ACAD11: variants seen among roughly 807,000 people sequenced by gnomAD.
ACAD11 encodes acyl-Coenzyme A dehydrogenase family, member 11.
ACAD11 carries 83 observed loss-of-function variants against 102.2 expected under a neutral mutation model. The ratio of observed to expected loss-of-function variants is 0.81; its 90% CI spans 0.68 to 0.97. The LOEUF (loss-of-function observed/expected upper bound fraction) is 0.97, where lower values mean the gene tolerates loss of function less well. Among genes scored for constraint, ACAD11 ranks in the 50% least tolerant of loss-of-function variants. ACAD11 has a pLI of 0.00. For synonymous variants in ACAD11, 324 were observed against 319.8 expected, an observed-to-expected ratio of 1.01 and a Z score of -0.14; for missense variants, 901 against 951.7, an observed-to-expected ratio of 0.95 and a Z score of 0.70.
At chr3:132,627,725 C>G (rs549302209) in intron 8 of ACAD11, among the ~76,000 whole-genome samples, 112 of 152,294 alleles carry the variant, frequency 7.4e-4, no homozygotes, top group African/African-American at 2.6e-3. Flanking sequence ...ACAACAGAAT[C>G]AATTGTTATG....
chr3:132,616,351 T>C, intron 11 of ACAD11, among the ~76,000 whole-genome samples: 1 of 152,166 alleles, frequency 6.6e-6, no homozygotes, highest in East Asian at 1.9e-4. Context: ...AATGATAAAA[T>C]AGTGGCAGAG....
intron 13 of ACAD11, among the ~76,000 whole-genome samples, chr3:132,585,758 T>C (rs932374884): frequency 1.4e-4 from 21 of 152,176 alleles, no homozygotes; most frequent in Non-Finnish European, 2.2e-4. Flanking sequence ...CATCACTGGC[T>C]ATCAGAGAAA....
chr3:132,626,833 A>G lies in ACAD11; in HGVS notation c.1071-16T>C. On this transcript the variant is annotated splice_polypyrimidine_tract_variant and intron_variant, in intron 8 of 19. Transcript: ENST00000264990. ...ACTGAAAGTTCTTTGCCAAAAGAAA[A>G]AAGGAAAAAAAGGTTACAAAGATGT... is the stretch of plus-strand genomic sequence containing the variant. The G allele has an allele frequency of 6.3e-7, 1 of 1,596,528 alleles. No individual in the cohort carries two copies. Among genetic ancestry groups the G allele is most frequent in the Non-Finnish European group, 8.5e-7 (1 of 1,175,050 alleles).
intron 13 of ACAD11, among the ~76,000 whole-genome samples, chr3:132,591,572 C>T (rs1019483981): frequency 2.0e-5 from 3 of 152,018 alleles, no homozygotes; most frequent in Non-Finnish European, 2.9e-5. Context: ...CCCAATATTA[C>T]TTCTTACCTC....
chr3:132,656,298 G>T (rs1937797004), intron 1 of ACAD11, among the ~76,000 whole-genome samples: 1 of 152,042 alleles, frequency 6.6e-6, no homozygotes, highest in Non-Finnish European at 1.5e-5. Context: ...TTTGTAGATT[G>T]TCCCCTTATA....
chr3:132,644,079 A>T (rs559517390), intron 2 of ACAD11, among the ~76,000 whole-genome samples: 2 of 152,334 alleles, frequency 1.3e-5, no homozygotes, highest in South Asian at 4.1e-4. Context: ...GGACCAAGAA[A>T]GTCCCATAGA....
chr3:132,622,354 C>T (rs1183042774), intron 9 of ACAD11, among the ~76,000 whole-genome samples: 1 of 152,228 alleles, frequency 6.6e-6, no homozygotes, highest in East Asian at 1.9e-4. Context: ...TCAGGAAGTC[C>T]GTTAAATTGG....
chr3:132,631,614 A>G (rs1477940133), intron 5 of ACAD11, 135 bp from the exon 6 acceptor site: 3 of 632,158 alleles, frequency 4.7e-6, no homozygotes, highest in East Asian at 3.5e-5. Context: ...CCACAGTGGC[A>G]TATCTCATTT....
intron 1 of ACAD11, among the ~76,000 whole-genome samples, chr3:132,655,764 T>C (rs1297674937): frequency 6.6e-6 from 1 of 152,226 alleles, no homozygotes; most frequent in African/African-American, 2.4e-5. Flanking sequence ...AAGATTATTG[T>C]TACATCCTCA....
intron 9 of ACAD11, among the ~76,000 whole-genome samples, chr3:132,625,081 C>T (rs763266571): frequency 6.6e-6 from 1 of 152,188 alleles, no homozygotes; most frequent in Admixed American, 6.5e-5. Flanking sequence ...AGTCGTCCAC[C>T]TGCAGGTAAT....
chr3:132,625,317 T>C (rs1174784013), intron 9 of ACAD11, among the ~76,000 whole-genome samples: 3 of 152,220 alleles, frequency 2.0e-5, no homozygotes, highest in Admixed American at 1.3e-4. Context: ...ATTCCTCTGA[T>C]ATGTCCCTCT....
chr3:132,594,201 TA>T (rs1430206327), intron 13 of ACAD11, among the ~76,000 whole-genome samples: 1 of 152,120 alleles, frequency 6.6e-6, no homozygotes, highest in African/African-American at 2.4e-5. Context: ...AAACAATGTG[TA>T]AATTCAAAAG....
rs1317384836 is a variant in ACAD11, at chr3:132,603,280, G to A, written c.1570C>T (p.Gln524Ter). The A allele has an allele frequency of 1.2e-6, 2 of 1,613,888 alleles. No individual in the cohort carries two copies. The highest frequency in any genetic ancestry group is 1.3e-5 in the African/African-American group (1 of 74,966). The change falls in exon 13 of 20, where the codon CAA becomes TAA. Residue 524 changes from glutamine (Q) to a stop codon, truncating the protein, a stop_gained. Transcript: ENST00000264990. LOFTEE classifies it high-confidence loss of function. The stretch of plus-strand genomic sequence containing the variant: ...ATTACATAGCTATCTTCATCTCGTT[G>A]GATGCTGCATTCAATATTCGTGGCA... ...SDATNIECSI[Q>*]RDEDSYVING...
chr3:132,639,822 A>C (rs1249596372), intron 4 of ACAD11, among the ~76,000 whole-genome samples, 166 bp from the exon 5 acceptor site: 1 of 152,200 alleles, frequency 6.6e-6, no homozygotes, highest in Non-Finnish European at 1.5e-5. Flanking sequence ...CCTAAACCTT[A>C]AACATTTAAG....
chr3:132,605,003 T>C (rs904105813), intron 12 of ACAD11, 95 bp downstream of exon 12: 22 of 950,848 alleles, frequency 2.3e-5, no homozygotes, highest in Non-Finnish European at 3.1e-5. Context: ...CAAATTTGAC[T>C]GAAACACAGA....
intron 13 of ACAD11, 71 bp from the exon 14 acceptor site, chr3:132,579,629 T>C: frequency 8.2e-7 from 1 of 1,212,682 alleles, no homozygotes; most frequent in South Asian, 1.2e-5. Context: ...TTGAAGGTTC[T>C]AATCCTTCCC....
chr3:132,626,173 G>A (rs1489962234), intron 9 of ACAD11, among the ~76,000 whole-genome samples: 1 of 152,050 alleles, frequency 6.6e-6, no homozygotes, highest in Non-Finnish European at 1.5e-5. Flanking sequence ...GCATCATCAA[G>A]TACCCAATAA....
At chr3:132,587,053 G>A (rs1345799790) in intron 13 of ACAD11, among the ~76,000 whole-genome samples, 4 of 152,158 alleles carry the variant, frequency 2.6e-5, no homozygotes, top group African/African-American at 9.7e-5. Context: ...AGCTGAGATT[G>A]CGCCATTGCA....
rs184506707 is a variant in ACAD11 at position 132,603,429 on chromosome 3, C to A, written c.1523-102G>T. 3 of 1,011,516 alleles carry A rather than the reference C, an allele frequency of 3.0e-6. No homozygotes were observed. The East Asian group carries it at 7.4e-5, about 25-fold the overall frequency. The allele number at this position is 1,011,516 out of a possible 1,614,324, so 62.7% of individuals were successfully genotyped here. ...AAAACAAAGACATCTTTATCTTTTTCAATGTCCTTTCACTCCCCATTCCAC... is the reference window on the plus strand; with the variant it reads ...AAAACAAAGACATCTTTATCTTTTTAAATGTCCTTTCACTCCCCATTCCAC... On this transcript the variant is annotated intron_variant, in intron 12 of 19. Transcript: ENST00000264990.
Sources: gnomAD v4.1 joint callset for allele counts (sites outside exome capture counted in the v4.1 genomes callset) on GRCh38, gnomAD v4.1.1 for gene constraint, MANE v1.5 for transcripts, NCBI Gene and HGNC (gene_info 2026-07-23, HGNC 2026-07-21) for gene names.